Variants in TOM1L1 observed in about 807,000 individuals in gnomAD.
TOM1L1 encodes the protein target of myb1 like 1 membrane trafficking protein, also known as TOM1-like protein 1.
TOM1L1 carries 64 observed loss-of-function variants against 63.4 expected under a neutral mutation model. The observed-to-expected ratio is 1.01, with a 90% CI of 0.83 to 1.24. The LOEUF (loss-of-function observed/expected upper bound fraction) is 1.24. TOM1L1 is among the 50% of genes most tolerant of loss of function. The pLI is 0.00. For missense variants in TOM1L1, 536 were observed against 567.0 expected (o/e 0.95, Z 0.55); for synonymous variants, 166 against 194.4 (o/e 0.85, Z 1.22).
At chr17:54,922,101 G>A (rs1373461629) in intron 7 of TOM1L1, among the ~76,000 whole-genome samples, 1 of 151,852 alleles carries the variant, frequency 6.6e-6, no homozygotes, top group African/African-American at 2.4e-5. Context: ...GACCATCCTG[G>A]CTAATACAGT....
intron 7 of TOM1L1, among the ~76,000 whole-genome samples, chr17:54,919,927 T>C (rs986689313): frequency 7.2e-5 from 11 of 152,150 alleles, no homozygotes; most frequent in African/African-American, 2.7e-4. Context: ...TCAGCAAAGA[T>C]AGACTGTGGG....
At chr17:54,932,916 A>G (rs934577339) in intron 8 of TOM1L1, among the ~76,000 whole-genome samples, 33 of 152,318 alleles carry the variant, frequency 2.2e-4, no homozygotes, top group African/African-American at 7.5e-4. Flanking sequence ...TCAAGGGGGA[A>G]CTTGTGTTTA....
At chr17:54,944,138 G>C (rs1029828961) in intron 11 of TOM1L1, among the ~76,000 whole-genome samples, 1 of 151,702 alleles carries the variant, frequency 6.6e-6, no homozygotes. Context: ...TTACAACCCT[G>C]AGATATATTG....
intron 8 of TOM1L1, 91 bp from the exon 9 acceptor site, chr17:54,936,558 T>C: frequency 1.8e-6 from 2 of 1,101,416 alleles, no homozygotes; most frequent in Non-Finnish European, 2.6e-6. Flanking sequence ...TTGTCTTCAT[T>C]CCTAAATATT....
intron 2 of TOM1L1, among the ~76,000 whole-genome samples, chr17:54,904,783 T>C (rs2048384131): frequency 6.6e-6 from 1 of 152,238 alleles, no homozygotes; most frequent in Non-Finnish European, 1.5e-5. Flanking sequence ...ATTAAAGTGA[T>C]AACTGGCAGT....
intron 14 of TOM1L1, among the ~76,000 whole-genome samples, chr17:54,955,443 G>T (rs1448903336): frequency 6.6e-6 from 1 of 152,104 alleles, no homozygotes; most frequent in East Asian, 1.9e-4. Context: ...TGCCCCCTTT[G>T]AAACTTGGGT....
intron 14 of TOM1L1, among the ~76,000 whole-genome samples, chr17:54,958,730 CAAAAA>C (rs61603848): frequency 5.2e-5 from 3 of 57,488 alleles, no homozygotes; most frequent in Admixed American, 1.5e-4. Flanking sequence ...AACTCCATCT[CAAAAA>C]AAAAAAAAAA....
intron 14 of TOM1L1, chr17:54,959,255 G>A (rs540743613): frequency 1.4e-3 from 219 of 152,238 alleles, no homozygotes; most frequent in African/African-American, 5.2e-3. Context: ...TTGCTATACT[G>A]TATATATGAA....
chr17:54,908,066 T>A (rs1179139091), intron 3 of TOM1L1, among the ~76,000 whole-genome samples: 1 of 152,178 alleles, frequency 6.6e-6, no homozygotes, highest in Non-Finnish European at 1.5e-5. Context: ...TCAGGTAGTC[T>A]AATCTGCTCG....
chr17:54,929,501 C>A (rs2048821188), intron 7 of TOM1L1, among the ~76,000 whole-genome samples: 1 of 152,096 alleles, frequency 6.6e-6, no homozygotes. Flanking sequence ...TGTGATATAA[C>A]TATAAACTTT....
intron 5 of TOM1L1, 127 bp downstream of exon 5, chr17:54,914,000 C>T (rs1042079120): frequency 7.3e-6 from 8 of 1,091,606 alleles, no homozygotes; most frequent in South Asian, 1.8e-5. Flanking sequence ...AAGGATATTG[C>T]AATATCTCAT....
At chr17:54,951,823 G>A (rs1023222791) in intron 14 of TOM1L1, 15 of 152,196 alleles carry the variant, frequency 9.9e-5, no homozygotes, top group Non-Finnish European at 1.5e-5. Flanking sequence ...CAGCCCCTCA[G>A]GTCCTGTTAC....
intron 12 of TOM1L1, among the ~76,000 whole-genome samples, chr17:54,948,618 C>G (rs2049159345): frequency 6.6e-6 from 1 of 152,228 alleles, no homozygotes; most frequent in Non-Finnish European, 1.5e-5. Context: ...ACCCACTACT[C>G]TGCTTTTATA....
At chr17:54,912,607 C>T in intron 3 of TOM1L1, 59 bp from the exon 4 acceptor site, 1 of 1,401,636 alleles carries the variant, frequency 7.1e-7, no homozygotes, top group Admixed American at 2.7e-5. Context: ...TTTTCCCTTA[C>T]ATTTTTAGGA....
At chr17:54,939,109 T>C in intron 11 of TOM1L1, 89 bp downstream of exon 11, 1 of 901,930 alleles carries the variant, frequency 1.1e-6, no homozygotes, top group Non-Finnish European at 1.7e-6. Flanking sequence ...CGCAGTGACT[T>C]ACATCTGTAA....
At chr17:54,941,568 GT>G (rs1295510948) in intron 11 of TOM1L1, among the ~76,000 whole-genome samples, 1 of 152,172 alleles carries the variant, frequency 6.6e-6, no homozygotes, top group Non-Finnish European at 1.5e-5. Context: ...AGCTGATTCT[GT>G]TTGTGTTATC....
intron 7 of TOM1L1, 69 bp from the exon 8 acceptor site, chr17:54,930,004 T>C: frequency 6.3e-7 from 1 of 1,599,100 alleles, no homozygotes; most frequent in Non-Finnish European, 8.5e-7. Context: ...ATGCGCAGAT[T>C]GGTGAGTCAG....
At position 54,950,029 on chromosome 17, in the gene TOM1L1, C is replaced by T. The variant is rs1567841635; in HGVS notation, c.1289-16C>T. ...AAAAGCACAATATGTTTACTGGTCTCTTTTTTTGCCCAAAGCGATGACAAA... is the reference window on the plus strand; with the variant it reads ...AAAAGCACAATATGTTTACTGGTCTTTTTTTTTGCCCAAAGCGATGACAAA... On this transcript the variant is annotated splice_polypyrimidine_tract_variant and intron_variant, in intron 13 of 15. Transcript: ENST00000575882. The T allele has an allele frequency of 1.0e-5, 16 of 1,604,262 alleles. No individual in the cohort carries two copies. The highest frequency in any genetic ancestry group is 1.3e-5 in the Non-Finnish European group (15 of 1,172,734).
Position 54,937,156 on chromosome 17 carries a change from T to G in TOM1L1, c.963T>G (p.Ser321Arg). The G allele has an allele frequency of 6.2e-7, 1 of 1,613,744 alleles. No homozygotes were observed. The highest frequency in any genetic ancestry group is 8.5e-7 in the Non-Finnish European group (1 of 1,179,978). ...SAPSQDLLDL[S>R]PSPRMPRATL... is the part of the protein sequence containing the mutation. ...CATCTCAAGATCTCCTCGACCTAAGTCCCAGTCCCCGGATGCCTAGGGCCA... is the reference window on the plus strand; with the variant it reads ...CATCTCAAGATCTCCTCGACCTAAGGCCCAGTCCCCGGATGCCTAGGGCCA... Residue 321 changes from serine (S) to arginine (R), a missense_variant, in exon 10 of 16, where the codon AGT (serine) becomes AGG (arginine). Coordinates refer to ENST00000575882, the MANE Select transcript of TOM1L1 (RefSeq NM_005486.3).
Sources: allele counts gnomAD v4.1 joint callset (sites outside exome capture counted in the v4.1 genomes callset), GRCh38; gene constraint gnomAD v4.1.1; transcripts MANE v1.5; gene names NCBI Gene and HGNC (gene_info 2026-07-23, HGNC 2026-07-21).